The following STK39 variants were observed in gnomAD, a reference collection of about 807,000 sequenced individuals.
The protein encoded by STK39 is STE20/SPS1-related proline-alanine-rich protein kinase.
Under a neutral mutation model 77.8 loss-of-function variants are expected in STK39, and 20 were observed. The observed-to-expected ratio is 0.26, with a 90% CI of 0.18 to 0.37. STK39 has a LOEUF of 0.37. Among genes scored for constraint, STK39 ranks in the 10% least tolerant of loss-of-function variants. STK39 has a pLI of 1.00. For synonymous variants in STK39, 246 were observed against 234.1 expected (o/e 1.05, Z -0.47); for missense variants, 479 against 656.5 (o/e 0.73, Z 2.95).
At chr2:168,201,334 C>T (rs1209801175) in intron 1 of STK39, among the ~76,000 whole-genome samples, 1 of 152,208 alleles carries the variant, frequency 6.6e-6, no homozygotes, top group Non-Finnish European at 1.5e-5. Flanking sequence ...TAGAGCATGT[C>T]CCACAGAAAA....
chr2:168,221,426 C>T (rs939888889), intron 1 of STK39, among the ~76,000 whole-genome samples: 16 of 152,216 alleles, frequency 1.1e-4, no homozygotes, highest in Admixed American at 9.2e-4. Context: ...CAGCACTAAA[C>T]TTCAAAAACT....
At chr2:168,088,928 A>C (rs1285932639) in intron 10 of STK39, among the ~76,000 whole-genome samples, 1 of 152,246 alleles carries the variant, frequency 6.6e-6, no homozygotes, top group East Asian at 1.9e-4. Context: ...TTACTTATAA[A>C]GGTGATATCT....
At chr2:168,084,518 A>G (rs1002530800) in intron 10 of STK39, among the ~76,000 whole-genome samples, 1 of 152,164 alleles carries the variant, frequency 6.6e-6, no homozygotes, top group Admixed American at 6.5e-5. Flanking sequence ...AAAGTGAGGG[A>G]AATGTTCCTG....
chr2:168,245,889 T>C (rs1318071161), intron 1 of STK39, among the ~76,000 whole-genome samples: 2 of 152,180 alleles, frequency 1.3e-5, no homozygotes, highest in South Asian at 2.1e-4. Flanking sequence ...ATGCCTATTA[T>C]AGGTTATCTG....
intron 1 of STK39, among the ~76,000 whole-genome samples, chr2:168,221,424 A>G (rs1422481978): frequency 6.6e-6 from 1 of 152,202 alleles, no homozygotes; most frequent in Non-Finnish European, 1.5e-5. Context: ...GGCAGCACTA[A>G]ACTTCAAAAA....
intron 1 of STK39, among the ~76,000 whole-genome samples, chr2:168,212,839 G>A (rs1385742153): frequency 6.6e-6 from 1 of 152,178 alleles, no homozygotes; most frequent in Non-Finnish European, 1.5e-5. Context: ...AATGTTCCCA[G>A]TGTTACTGGT....
chr2:168,074,783 C>T (rs917304014), intron 12 of STK39, among the ~76,000 whole-genome samples, 199 bp downstream of exon 12: 1 of 152,146 alleles, frequency 6.6e-6, no homozygotes, highest in African/African-American at 2.4e-5. Context: ...AGGAAACAGG[C>T]TCAGAAAGCA....
At chr2:168,238,860 C>T (rs1210106181) in intron 1 of STK39, among the ~76,000 whole-genome samples, 1 of 152,138 alleles carries the variant, frequency 6.6e-6, no homozygotes, top group Non-Finnish European at 1.5e-5. Context: ...ACACTTGAAT[C>T]ACTTCAACTA....
intron 14 of STK39, among the ~76,000 whole-genome samples, chr2:168,032,813 G>A (rs1008479340): frequency 2.0e-5 from 3 of 152,186 alleles, no homozygotes; most frequent in Admixed American, 6.5e-5. Flanking sequence ...CCCTTTCCCC[G>A]ATGGGTAACA....
intron 14 of STK39, among the ~76,000 whole-genome samples, chr2:168,056,873 G>C (rs1274957479): frequency 2.0e-5 from 3 of 152,178 alleles, no homozygotes; most frequent in Non-Finnish European, 4.4e-5. Context: ...AGAATAGCTT[G>C]TTCAGGCCCA....
At chr2:168,202,310 A>G (rs1689630468) in intron 1 of STK39, among the ~76,000 whole-genome samples, 1 of 152,188 alleles carries the variant, frequency 6.6e-6, no homozygotes, top group Non-Finnish European at 1.5e-5. Flanking sequence ...CCAGAGTTCT[A>G]TTTTCTCCAA....
chr2:167,962,232 C>A (rs558740445), intron 17 of STK39, among the ~76,000 whole-genome samples: 1 of 152,154 alleles, frequency 6.6e-6, no homozygotes, highest in African/African-American at 2.4e-5. Context: ...CGAGGAAAAA[C>A]GCTGCTGAAA....
chr2:168,169,731 T>A (rs1456149387), intron 2 of STK39, among the ~76,000 whole-genome samples: 1 of 151,570 alleles, frequency 6.6e-6, no homozygotes, highest in Non-Finnish European at 1.5e-5. Context: ...AAACTCTGAG[T>A]CTTAGAGACA....
intron 5 of STK39, among the ~76,000 whole-genome samples, chr2:168,145,353 T>G (rs1413051197): frequency 6.6e-6 from 1 of 152,110 alleles, no homozygotes; most frequent in Non-Finnish European, 1.5e-5. Flanking sequence ...TCAGTCTCTG[T>G]GACGGGAGAC....
At chr2:168,027,630 G>A (rs1236813629) in intron 14 of STK39, among the ~76,000 whole-genome samples, 1 of 152,124 alleles carries the variant, frequency 6.6e-6, no homozygotes. Flanking sequence ...GTGTGCATGA[G>A]CACACACATA....
intron 1 of STK39, among the ~76,000 whole-genome samples, chr2:168,246,378 A>C (rs1690898919): frequency 6.6e-6 from 1 of 152,232 alleles, no homozygotes; most frequent in Non-Finnish European, 1.5e-5. Flanking sequence ...GTATTTAAAA[A>C]TGTAAGATAA....
chr2:167,972,338 C>T (rs1692371315), intron 16 of STK39, among the ~76,000 whole-genome samples: 1 of 152,178 alleles, frequency 6.6e-6, no homozygotes, highest in Admixed American at 6.5e-5. Context: ...GTGTGTCTTT[C>T]TGCATTGTTC....
At chr2:168,012,855 A>T (rs532271837) in intron 15 of STK39, among the ~76,000 whole-genome samples, 153 bp from the exon 16 acceptor site, 2 of 152,376 alleles carry the variant, frequency 1.3e-5, no homozygotes, top group Admixed American at 1.3e-4. Context: ...CAGAAGCAAC[A>T]TGAAATACAT....
chr2:168,033,023 C>T (rs890169886), intron 14 of STK39, among the ~76,000 whole-genome samples: 23 of 152,126 alleles, frequency 1.5e-4, no homozygotes, highest in African/African-American at 5.6e-4. Flanking sequence ...GTCAGAGGAG[C>T]TAAGATGTTG....
Sources: allele counts gnomAD v4.1 joint callset (sites outside exome capture counted in the v4.1 genomes callset), GRCh38; gene constraint gnomAD v4.1.1; transcripts MANE v1.5; gene names NCBI Gene and HGNC (gene_info 2026-07-23, HGNC 2026-07-21).